The following FOXP2 variants were observed in gnomAD, a reference collection of about 807,000 sequenced individuals.
FOXP2 encodes forkhead box protein P2.
In FOXP2, 12 loss-of-function variants were observed where a neutral mutation model predicts 115.8. The observed-to-expected ratio is 0.10, with a 90% CI of 0.07 to 0.17. FOXP2 has a LOEUF of 0.17. Among genes scored for constraint, FOXP2 ranks in the 10% least tolerant of loss-of-function variants. The pLI is 1.00. For synonymous variants in FOXP2, 328 were observed against 297.7 expected, an observed-to-expected ratio of 1.10 and a Z score of -1.05; for missense variants, 629 against 843.5, an observed-to-expected ratio of 0.75 and a Z score of 3.15.
intron 3 of FOXP2, among the ~76,000 whole-genome samples, chr7:114,574,364 C>T (rs1346483679): frequency 6.6e-6 from 1 of 151,808 alleles, no homozygotes; most frequent in East Asian, 1.9e-4. Flanking sequence ...TTAGAGAATA[C>T]TTTTCAATGC....
intron 1 of FOXP2, among the ~76,000 whole-genome samples, chr7:114,170,549 A>C (rs1026252385): frequency 4.5e-4 from 69 of 152,242 alleles, no homozygotes; most frequent in African/African-American, 1.6e-3. Context: ...GCAAAGGAAA[A>C]GTTCTTGAAG....
chr7:114,490,878 G>C (rs910773011), intron 2 of FOXP2, among the ~76,000 whole-genome samples: 2 of 152,124 alleles, frequency 1.3e-5, no homozygotes, highest in African/African-American at 2.4e-5. Flanking sequence ...GTGTATATGT[G>C]CCACATTTTC....
intron 2 of FOXP2, among the ~76,000 whole-genome samples, chr7:114,343,901 T>C (rs1215345571): frequency 6.6e-6 from 1 of 151,690 alleles, no homozygotes; most frequent in Non-Finnish European, 1.5e-5. Context: ...AATTTACTCA[T>C]TTATGATGTT....
At chr7:114,238,041 A>G (rs1308983024) in intron 1 of FOXP2, among the ~76,000 whole-genome samples, 1 of 152,234 alleles carries the variant, frequency 6.6e-6, no homozygotes, top group Non-Finnish European at 1.5e-5. Context: ...CTCTGGAAAC[A>G]AAGTTGCTAA....
At chr7:114,139,111 C>T (rs1377644131) in intron 1 of FOXP2, among the ~76,000 whole-genome samples, 2 of 152,084 alleles carry the variant, frequency 1.3e-5, no homozygotes, top group Non-Finnish European at 2.9e-5. Flanking sequence ...AAATAGCTAA[C>T]ACTATGCAGA....
chr7:114,090,246 A>G (rs1011397356), intron 1 of FOXP2, among the ~76,000 whole-genome samples: 6 of 151,984 alleles, frequency 3.9e-5, no homozygotes, highest in Non-Finnish European at 8.8e-5. Flanking sequence ...ATGATTGTTA[A>G]TAGACAAAAT....
intron 14 of FOXP2, among the ~76,000 whole-genome samples, chr7:114,662,703 A>G (rs958538659): frequency 1.3e-5 from 2 of 152,086 alleles, no homozygotes; most frequent in African/African-American, 2.4e-5. Context: ...TCCAACTGTG[A>G]TGGTTTTCTG....
chr7:114,562,737 C>T (rs1800813323), intron 3 of FOXP2, among the ~76,000 whole-genome samples: 2 of 151,250 alleles, frequency 1.3e-5, no homozygotes, highest in South Asian at 4.2e-4. Context: ...ATTCATATGT[C>T]CATATTAGTT....
chr7:114,271,390 A>T (rs1389528795), intron 1 of FOXP2, among the ~76,000 whole-genome samples: 1 of 148,824 alleles, frequency 6.7e-6, no homozygotes, highest in Non-Finnish European at 1.5e-5. Flanking sequence ...ATTTCTCACA[A>T]TTAAGTATGT....
intron 16 of FOXP2, among the ~76,000 whole-genome samples, chr7:114,681,688 C>A (rs1378517196): frequency 6.6e-6 from 1 of 151,984 alleles, no homozygotes; most frequent in African/African-American, 2.4e-5. Context: ...TTTTAGTGAC[C>A]CAGAATTTGT....
intron 14 of FOXP2, 81 bp downstream of exon 14, chr7:114,662,267 GA>G: frequency 6.3e-7 from 1 of 1,582,274 alleles, no homozygotes; most frequent in Non-Finnish European, 8.7e-7. Context: ...CTGGGGTGGG[GA>G]GACAGTTAGC....
rs1409131533 is a variant in FOXP2 at position 114,620,427 on chromosome 7, T to C, written c.259-8113T>C. On this transcript the variant is annotated intron_variant, in intron 3 of 16. Transcript: ENST00000350908. Reference sequence around the variant, plus strand: ...AACCTTTCAAAGTGATGAACTGTAATTCACTGAGCTGCTTGAAGCACTTGT... The same window carrying C: ...AACCTTTCAAAGTGATGAACTGTAACTCACTGAGCTGCTTGAAGCACTTGT... Among the ~76,000 whole-genome samples the C allele has an allele frequency of 2.0e-5, 3 of 152,064 alleles. No individual in the cohort carries two copies. The East Asian group carries it at 5.8e-4, about 29-fold the overall frequency.
intron 1 of FOXP2, among the ~76,000 whole-genome samples, chr7:114,249,113 A>G (rs1446622598): frequency 1.3e-5 from 2 of 152,204 alleles, no homozygotes; most frequent in African/African-American, 4.8e-5. Flanking sequence ...TTCAATGATG[A>G]TCTGAAAATC....
At chr7:114,675,900 TTTATTA>T (rs575552175) in intron 16 of FOXP2, among the ~76,000 whole-genome samples, 2 of 150,162 alleles carry the variant, frequency 1.3e-5, no homozygotes, top group African/African-American at 4.9e-5. Context: ...TTTATTTTAT[TTTATTA>T]TTATTATTAT....
At chr7:114,677,934 A>G (rs1230200789) in intron 16 of FOXP2, among the ~76,000 whole-genome samples, 2 of 152,240 alleles carry the variant, frequency 1.3e-5, no homozygotes, top group Non-Finnish European at 2.9e-5. Context: ...ACTGTGGCAG[A>G]TGATCAGTGT....
rs144002223 is a variant in FOXP2 at position 114,679,064 on chromosome 7, A to C, written c.2004-10718A>C. The stretch of plus-strand genomic sequence containing the variant: ...ACTGCAACCTCCACCTCCCAGGCTC[A>C]AGCAATCTGCCTGCCTCAACCTCCC... On this transcript the variant is annotated intron_variant, in intron 16 of 16. Coordinates refer to ENST00000350908, the MANE Select transcript of FOXP2 (RefSeq NM_014491.4). 2.1e-4 allele frequency among the ~76,000 whole-genome samples: 32 copies of C among 152,234 alleles called. No individual in the cohort carries two copies. In the East Asian group the frequency reaches 6.0e-3, roughly 29 times the overall value.
intron 2 of FOXP2, among the ~76,000 whole-genome samples, chr7:114,357,665 G>A (rs528233478): frequency 2.0e-5 from 3 of 152,258 alleles, no homozygotes; most frequent in African/African-American, 7.2e-5. Flanking sequence ...CACTCTCAGT[G>A]AGCAGAACTA....
At chr7:114,539,910 T>C (rs1448656605) in intron 3 of FOXP2, among the ~76,000 whole-genome samples, 2 of 151,978 alleles carry the variant, frequency 1.3e-5, no homozygotes, top group Non-Finnish European at 2.9e-5. Context: ...TTGGATAGAA[T>C]AACCTGATCT....
intron 2 of FOXP2, among the ~76,000 whole-genome samples, chr7:114,534,413 G>A (rs184840116): frequency 1.3e-5 from 2 of 151,810 alleles, no homozygotes; most frequent in African/African-American, 4.8e-5. Flanking sequence ...CTGTAGGATT[G>A]CATGTTTCTC....
Sources: gnomAD v4.1 joint callset for allele counts (sites outside exome capture counted in the v4.1 genomes callset) on GRCh38, gnomAD v4.1.1 for gene constraint, MANE v1.5 for transcripts, NCBI Gene and HGNC (gene_info 2026-07-23, HGNC 2026-07-21) for gene names.